The following TPO variants were observed in gnomAD, a reference collection of about 807,000 sequenced individuals.
TPO encodes thyroid peroxidase.
In TPO, 78 loss-of-function variants were observed where a neutral mutation model predicts 96.9. That is an observed-to-expected ratio of 0.81 (90% confidence interval 0.67 to 0.97). The LOEUF (loss-of-function observed/expected upper bound fraction) is 0.97, where lower values mean the gene tolerates loss of function less well. TPO is among the 50% of genes least tolerant of loss of function. The pLI, the probability that TPO is intolerant of heterozygous loss-of-function variation, is 0.00. For missense variants in TPO, 1,252 were observed against 1,274.8 expected (o/e 0.98, Z 0.27); for synonymous variants, 547 against 538.0 (o/e 1.02, Z -0.23).
chr2:1,459,998 C>T (rs1443475855), intron 7 of TPO, among the ~76,000 whole-genome samples: 1 of 150,694 alleles, frequency 6.6e-6, no homozygotes, highest in Non-Finnish European at 1.5e-5. Context: ...TGTAGTGGCG[C>T]AATCTCAGCT....
At chr2:1,540,744 T>A in intron 16 of TPO, 21 bp downstream of exon 16, 2 of 1,613,236 alleles carry the variant, frequency 1.2e-6, no homozygotes, top group East Asian at 4.5e-5. Flanking sequence ...CCATGCCGCA[T>A]GTTTCCAGCT....
At chr2:1,480,056 A>G (rs1353703859) in intron 8 of TPO, among the ~76,000 whole-genome samples, 2 of 152,112 alleles carry the variant, frequency 1.3e-5, no homozygotes, top group African/African-American at 4.8e-5. Flanking sequence ...TGCTGGGATT[A>G]CAGGCCTGAG....
chr2:1,491,687 T>A (rs1202688413), intron 10 of TPO, among the ~76,000 whole-genome samples: 1 of 152,348 alleles, frequency 6.6e-6, no homozygotes, highest in East Asian at 1.9e-4. Context: ...AAACCAAGTG[T>A]CTACAGGTTA....
intron 15 of TPO, among the ~76,000 whole-genome samples, chr2:1,527,430 A>AC (rs1243487352): frequency 2.4e-5 from 2 of 81,678 alleles, no homozygotes; most frequent in Non-Finnish European, 4.5e-5. Flanking sequence ...ATCCTCCGCC[A>AC]CTGTGAGCAA....
Position 1,493,453 on chromosome 2 carries a change from C to T in TPO, c.1769-349C>T, listed in dbSNP as rs112169989. Among the ~76,000 whole-genome samples the T allele has an allele frequency of 7.0e-3, 996 of 143,244 alleles. 3 individuals are homozygous for T. Among genetic ancestry groups the T allele is most frequent in the East Asian group, 0.018 (85 of 4,650 alleles). The allele number at this position is 143,244 out of a possible 152,430, so 94.0% of individuals were successfully genotyped here. A position where few individuals can be genotyped will look rare whatever the true frequency, so the allele number is the denominator to read the frequency against. ...GGAACATTCTAGCCTGGCAAACTGCCGGGCAGTGTCACAGGGTGGGACAGG... is the reference window on the plus strand; with the variant it reads ...GGAACATTCTAGCCTGGCAAACTGCTGGGCAGTGTCACAGGGTGGGACAGG... On this transcript the variant is annotated intron_variant, in intron 10 of 16. Transcript: ENST00000329066.
intron 1 of TPO, among the ~76,000 whole-genome samples, chr2:1,388,866 T>C (rs1244634047): frequency 6.6e-6 from 1 of 152,148 alleles, no homozygotes; most frequent in Non-Finnish European, 1.5e-5. Flanking sequence ...CCGACGTTAA[T>C]CATCTAAATA....
At chr2:1,395,704 G>T (rs1233083721) in intron 1 of TPO, among the ~76,000 whole-genome samples, 1 of 152,030 alleles carries the variant, frequency 6.6e-6, no homozygotes, top group Admixed American at 6.5e-5. Context: ...TGAATCATGG[G>T]GGTGGGTTTT....
At chr2:1,476,299 C>G (rs1437197642) in intron 7 of TPO, among the ~76,000 whole-genome samples, 2 of 152,198 alleles carry the variant, frequency 1.3e-5, no homozygotes, top group African/African-American at 4.8e-5. Flanking sequence ...GCCCTGACCC[C>G]GTGACACCTC....
chr2:1,502,154 C>G (rs1672934384), intron 13 of TPO, among the ~76,000 whole-genome samples: 1 of 152,082 alleles, frequency 6.6e-6, no homozygotes, highest in African/African-American at 2.4e-5. Context: ...ACTCCCTACC[C>G]CAGAGGCGGC....
chr2:1,429,103 A>G (rs542532165), intron 3 of TPO, among the ~76,000 whole-genome samples: 192 of 152,254 alleles, frequency 1.3e-3, no homozygotes, highest in African/African-American at 4.4e-3. Context: ...AGTTATTTCT[A>G]ATATATATGG....
intron 15 of TPO, among the ~76,000 whole-genome samples, chr2:1,522,111 C>T (rs945286112): frequency 1.3e-5 from 2 of 149,992 alleles, no homozygotes; most frequent in East Asian, 2.0e-4. Context: ...CTGGCAGTCT[C>T]TCTACCCGAC....
chr2:1,395,754 G>A (rs1268950917), intron 1 of TPO, among the ~76,000 whole-genome samples: 1 of 148,976 alleles, frequency 6.7e-6, no homozygotes, highest in African/African-American at 2.5e-5. Flanking sequence ...TAGTGATAGT[G>A]TGTTCTAGTG....
intron 5 of TPO, among the ~76,000 whole-genome samples, chr2:1,446,202 G>T (rs1666800175): frequency 6.6e-6 from 1 of 152,162 alleles, no homozygotes; most frequent in Non-Finnish European, 1.5e-5. Flanking sequence ...CTACCCAGAG[G>T]TGACCATTGC....
chr2:1,522,497 G>A (rs535159698), intron 15 of TPO, among the ~76,000 whole-genome samples: 2 of 145,580 alleles, frequency 1.4e-5, no homozygotes, highest in Non-Finnish European at 3.0e-5. Flanking sequence ...GCCCGCCACC[G>A]TGCCCTCACA....
chr2:1,415,208 TCCCGGGGCC>T (rs1662788526), intron 2 of TPO, among the ~76,000 whole-genome samples: 16 of 140,266 alleles, frequency 1.1e-4, no homozygotes, highest in Admixed American at 1.1e-3. Flanking sequence ...CTGCACACAG[TCCCGGGGCC>T]CCTGGAGCAG....
intron 10 of TPO, among the ~76,000 whole-genome samples, chr2:1,492,491 C>T (rs1245731461): frequency 2.0e-5 from 3 of 152,174 alleles, no homozygotes; most frequent in Admixed American, 6.5e-5. Flanking sequence ...CTCATGCCTT[C>T]CTCTTTCACT....
chr2:1,484,570 C>T (rs1449270704), intron 8 of TPO, 26 bp from the exon 9 acceptor site: 1 of 1,613,964 alleles, frequency 6.2e-7, no homozygotes, highest in South Asian at 1.1e-5. Context: ...CTGGGCCTCA[C>T]TGAGATGCTT....
At chr2:1,536,816 C>G (rs543348189) in intron 15 of TPO, among the ~76,000 whole-genome samples, 18 of 82,342 alleles carry the variant, frequency 2.2e-4, no homozygotes, top group Non-Finnish European at 1.6e-4. Context: ...CTCCCCAAAT[C>G]CCCCCCACTG....
At chr2:1,473,379 C>G (rs1196772323) in intron 7 of TPO, among the ~76,000 whole-genome samples, 1 of 152,174 alleles carries the variant, frequency 6.6e-6, no homozygotes, top group Non-Finnish European at 1.5e-5. Flanking sequence ...GTTCTGGGCT[C>G]TCTGTCTTCT....
Sources: gnomAD v4.1 joint callset for allele counts (sites outside exome capture counted in the v4.1 genomes callset) on GRCh38, gnomAD v4.1.1 for gene constraint, MANE v1.5 for transcripts, NCBI Gene and HGNC (gene_info 2026-07-23, HGNC 2026-07-21) for gene names.